Variants in PIKFYVE observed in about 807,000 individuals in gnomAD.
PIKFYVE encodes the protein 1-phosphatidylinositol 3-phosphate 5-kinase.
A neutral mutation model predicts 257.9 loss-of-function variants in PIKFYVE; 122 were observed. The observed-to-expected ratio is 0.47, with a 90% CI of 0.41 to 0.55. The LOEUF (loss-of-function observed/expected upper bound fraction) is 0.55. PIKFYVE is among the 20% of genes least tolerant of loss of function. The probability of loss-of-function intolerance (pLI) is 0.00; values close to 1 mark genes in which losing one functional copy is unlikely to be tolerated. For missense variants in PIKFYVE, 2,160 were observed against 2,536.6 expected (o/e 0.85, Z 3.19); for synonymous variants, 892 against 868.9 (o/e 1.03, Z -0.47).
chr2:208,352,924 C>G (rs1013547602), intron 39 of PIKFYVE, 142 bp downstream of exon 39: 80 of 1,011,356 alleles, frequency 7.9e-5, no homozygotes, highest in Middle Eastern at 2.3e-4. Context: ...TAACTTTTGA[C>G]TTGCTCAGCC....
chr2:208,326,518 A>T, intron 20 of PIKFYVE, 89 bp downstream of exon 20: 2 of 1,360,310 alleles, frequency 1.5e-6, no homozygotes, highest in South Asian at 1.2e-5. Context: ...AGTTTGGCAG[A>T]CTGCATGCAG....
Position 208,309,995 on chromosome 2 carries a change from T to C in PIKFYVE, c.1637-2241T>C, listed in dbSNP as rs6760238. 8.1e-3 allele frequency among the ~76,000 whole-genome samples: 1,235 copies of C among 152,354 alleles called. 15 individuals carry two copies. Among genetic ancestry groups the C allele is most frequent in the African/African-American group, 0.028 (1,170 of 41,582 alleles). ...ACCTCTTAGGTCATTTGCAGTCTTA[T>C]AATTTGAAGACTTTAAAAGTCTCTT... On this transcript the variant is annotated intron_variant, in intron 12 of 41. Transcript: ENST00000264380.
chr2:208,322,833 C>T (rs1484256731), intron 17 of PIKFYVE, among the ~76,000 whole-genome samples: 13 of 146,624 alleles, frequency 8.9e-5, no homozygotes, highest in Middle Eastern at 3.2e-3. Flanking sequence ...TCTCCTAATG[C>T]TATCCCTCCC....
chr2:208,355,144 C>G lies in PIKFYVE; in HGVS notation c.6182-46C>G, dbSNP rs139254498. 5.0e-4 allele frequency: 728 copies of G among 1,454,660 alleles called. No individual in the cohort carries two copies. In the African/African-American group the frequency reaches 9.1e-3, roughly 18 times the overall value. The allele number at this position is 1,454,660 out of a possible 1,614,324, so 90.1% of individuals were successfully genotyped here. On this transcript the variant is annotated intron_variant, in intron 41 of 41. Transcript: ENST00000264380. ...GGTCAGTTGACTTCAGTTGCCCAAT[C>G]AATTATATAACAGCTTTTTCCCCCT...
At chr2:208,298,001 A>T (rs1183936234) in intron 7 of PIKFYVE, among the ~76,000 whole-genome samples, 1 of 152,190 alleles carries the variant, frequency 6.6e-6, no homozygotes, top group Non-Finnish European at 1.5e-5. Context: ...CAATATTTTA[A>T]ATATAGGTCT....
chr2:208,287,686 C>T (rs931275064), intron 6 of PIKFYVE, among the ~76,000 whole-genome samples: 3 of 152,068 alleles, frequency 2.0e-5, no homozygotes, highest in East Asian at 1.9e-4. Flanking sequence ...CTGCAACCTC[C>T]GCCTCCCAGG....
chr2:208,297,718 A>T (rs980919177), intron 7 of PIKFYVE, among the ~76,000 whole-genome samples: 11 of 152,190 alleles, frequency 7.2e-5, no homozygotes, highest in African/African-American at 2.7e-4. Context: ...CTAACATATC[A>T]TAGGTGCTTT....
chr2:208,354,440 C>A, intron 40 of PIKFYVE, 131 bp from the exon 41 acceptor site: 1 of 924,092 alleles, frequency 1.1e-6, no homozygotes, highest in Admixed American at 1.9e-5. Context: ...CTGAGAACAG[C>A]ACTTGGCACA....
At chr2:208,308,347 G>A (rs994770508) in intron 12 of PIKFYVE, among the ~76,000 whole-genome samples, 1 of 151,686 alleles carries the variant, frequency 6.6e-6, no homozygotes, top group African/African-American at 2.4e-5. Flanking sequence ...GCTGCAGTGA[G>A]CGATGATTTT....
At chr2:208,286,120 A>ATT (rs1451337036) in intron 6 of PIKFYVE, among the ~76,000 whole-genome samples, 187 bp downstream of exon 6, 1 of 152,192 alleles carries the variant, frequency 6.6e-6, no homozygotes, top group African/African-American at 2.4e-5. Flanking sequence ...ATATTGGCTA[A>ATT]TTAGAATGTA....
intron 32 of PIKFYVE, among the ~76,000 whole-genome samples, chr2:208,343,142 A>C (rs1698881876): frequency 6.6e-6 from 1 of 152,158 alleles, no homozygotes. Context: ...CAAATAATGA[A>C]GTATAGGATG....
At position 208,336,132 on chromosome 2, in the gene PIKFYVE, G is replaced by C; in HGVS notation, c.4452G>C (p.Gln1484His). ...SSSVDTPQQL[Q>H]SVFESLIAKK... ...CTGTAGATACCCCTCAGCAACTGCA[G>C]TCGGTCTTTGAGTCACTCATTGCCA... is the stretch of plus-strand genomic sequence containing the variant. The change falls in exon 27 of 42, where the codon CAG becomes CAC. Residue 1484 changes from glutamine to histidine, a missense_variant. Gln to His is a conservative substitution (Grantham distance 24, BLOSUM62 0). This residue lies in a region of PIKFYVE where 699 missense variants were observed against 855.8 expected (regional missense o/e 0.82). Transcript: ENST00000264380. The C allele has an allele frequency of 6.2e-7, 1 of 1,614,110 alleles. No homozygotes were observed. The highest frequency in any genetic ancestry group is 8.5e-7 in the Non-Finnish European group (1 of 1,179,976).
chr2:208,271,511 A>G lies in PIKFYVE; in HGVS notation c.-9A>G, dbSNP rs752493981. The G allele has an allele frequency of 5.0e-6, 8 of 1,613,980 alleles. No individual in the cohort carries two copies. The East Asian group carries it at 1.8e-4, about 36-fold the overall frequency. On this transcript the variant is annotated splice_region_variant and 5_prime_UTR_variant, in exon 2 of 42. Coordinates refer to ENST00000264380, the MANE Select transcript of PIKFYVE (RefSeq NM_015040.4). ...TTTGCTTGTTTCTTTTGTTTTTCAG[A>G]CTCATGAAATGGCCACAGATGATAA...
At position 208,336,096 on chromosome 2, in the gene PIKFYVE, C is replaced by T. The variant is rs771655040; in HGVS notation, c.4416C>T (p.Leu1472=). The T allele has an allele frequency of 1.5e-5, 25 of 1,613,962 alleles. No individual in the cohort carries two copies. Among genetic ancestry groups the T allele is most frequent in the South Asian group, 1.2e-4 (11 of 91,084 alleles). Residue 1472 remains leucine (L), a synonymous_variant, in exon 27 of 42, where the codon CTC becomes CTT. Transcript: ENST00000264380. Reference sequence around the variant, plus strand: ...GGATTGAGAAGATGCAAGCAAGGCTCATGTCTTCCTCTGTAGATACCCCTC... The same window carrying T: ...GGATTGAGAAGATGCAAGCAAGGCTTATGTCTTCCTCTGTAGATACCCCTC... ...KNWIEKMQAR[L]MSSSVDTPQQ...
chr2:208,314,263 G>T (rs199916727), intron 13 of PIKFYVE, 31 bp from the exon 14 acceptor site: 374 of 1,600,802 alleles, frequency 2.3e-4, no homozygotes, highest in Non-Finnish European at 2.7e-4. Context: ...GGACAATGAA[G>T]TAATAACTTC....
chr2:208,348,598 A>G (rs1428527304), intron 35 of PIKFYVE, among the ~76,000 whole-genome samples: 3 of 64,048 alleles, frequency 4.7e-5, no homozygotes, highest in Middle Eastern at 6.3e-3. Context: ...AAAAAAAAAA[A>G]AGTGTGTGTG....
At chr2:208,308,661 T>C (rs967917112) in intron 12 of PIKFYVE, among the ~76,000 whole-genome samples, 1 of 151,374 alleles carries the variant, frequency 6.6e-6, no homozygotes. Flanking sequence ...ACACAAAGAG[T>C]GTAGTGTATC....
chr2:208,303,721 A>G (rs1225548879), intron 10 of PIKFYVE, among the ~76,000 whole-genome samples: 1 of 152,198 alleles, frequency 6.6e-6, no homozygotes, highest in Non-Finnish European at 1.5e-5. Flanking sequence ...CAGCTGTGTA[A>G]TGTTTAGTAA....
In PIKFYVE at chr2:208,312,108, G is replaced by A. The variant is rs148059967; in HGVS notation, c.1637-128G>A. The stretch of plus-strand genomic sequence containing the variant: ...TACCCAAAGCTTTCTTGAATTTGCC[G>A]GGCAGTGATGGGTTTAGTATGAGTA... On this transcript the variant is annotated intron_variant, in intron 12 of 41. Transcript: ENST00000264380. 2.3e-4 allele frequency: 162 copies of A among 711,514 alleles called. 2 individuals carry two copies. The East Asian group carries it at 3.9e-3, about 17-fold the overall frequency. The allele number at this position is 711,514 out of a possible 1,614,324, so 44.1% of individuals were successfully genotyped here. A position where few individuals can be genotyped will look rare whatever the true frequency, so the allele number is the denominator to read the frequency against.
Sources: allele counts gnomAD v4.1 joint callset (sites outside exome capture counted in the v4.1 genomes callset), GRCh38; gene constraint gnomAD v4.1.1; regional missense constraint gnomAD v4.1.1; transcripts MANE v1.5; gene names NCBI Gene and HGNC (gene_info 2026-07-23, HGNC 2026-07-21).